The following STEAP1B variants were observed in gnomAD, a reference collection of about 807,000 sequenced individuals.
STEAP1B encodes the protein STEAP family member 1B.
A neutral mutation model predicts 27.9 loss-of-function variants in STEAP1B; 13 were observed. That is an observed-to-expected ratio of 0.47 (90% CI 0.30 to 0.74). The LOEUF (loss-of-function observed/expected upper bound fraction) is 0.74, where lower values mean the gene tolerates loss of function less well. STEAP1B is among the 30% of genes least tolerant of loss of function. The pLI is 0.06. For missense variants in STEAP1B, 250 were observed against 298.7 expected, an observed-to-expected ratio of 0.84 and a Z score of 1.20; for synonymous variants, 86 against 107.1, an observed-to-expected ratio of 0.80 and a Z score of 1.22.
In STEAP1B at chr7:22,422,749, C is replaced by G. The variant is rs574315443; in HGVS notation, c.763-2913G>C. 8.5e-5 allele frequency among the ~76,000 whole-genome samples: 13 copies of G among 152,270 alleles called. 1 individual carries two copies. In the East Asian group the frequency reaches 2.5e-3, roughly 29 times the overall value. On this transcript the variant is annotated intron_variant, in intron 4 of 4. Coordinates refer to ENST00000678116, the MANE Select transcript of STEAP1B (RefSeq NM_001382447.1). ...ACCTCAGGTGATCCACCTGCCTCGG[C>G]CTCCTAAATATTTGCGTAATTTTTT...
intron 4 of STEAP1B, among the ~76,000 whole-genome samples, chr7:22,453,174 G>A (rs191330889): frequency 6.6e-6 from 1 of 152,078 alleles, no homozygotes; most frequent in Admixed American, 6.5e-5. Flanking sequence ...TCATTCTGTT[G>A]GCTTTCCTCG....
At chr7:22,492,446 T>C in intron 4 of STEAP1B, 119 bp downstream of exon 4, 1 of 1,379,060 alleles carries the variant, frequency 7.3e-7, no homozygotes, top group Non-Finnish European at 9.4e-7. Context: ...CTGGAACAAG[T>C]ACAAGATCTT....
intron 4 of STEAP1B, among the ~76,000 whole-genome samples, chr7:22,479,014 G>A (rs1459618145): frequency 6.6e-6 from 1 of 152,176 alleles, no homozygotes; most frequent in African/African-American, 2.4e-5. Flanking sequence ...CCTGGGAGGA[G>A]AAGGGCCGAG....
chr7:22,429,584 T>G (rs917309191), intron 4 of STEAP1B, among the ~76,000 whole-genome samples: 1 of 152,168 alleles, frequency 6.6e-6, no homozygotes, highest in African/African-American at 2.4e-5. Flanking sequence ...ATGTATACAG[T>G]GTGGATATGC....
chr7:22,424,090 T>C (rs2528833), intron 4 of STEAP1B, among the ~76,000 whole-genome samples: 113,706 of 151,814 alleles, frequency 0.75, 42,682 homozygotes, highest in Middle Eastern at 0.79. Flanking sequence ...CTAAATAACA[T>C]TGTTAAAAAT....
At chr7:22,480,893 A>G (rs1460514138) in intron 4 of STEAP1B, among the ~76,000 whole-genome samples, 3 of 152,226 alleles carry the variant, frequency 2.0e-5, no homozygotes, top group Non-Finnish European at 2.9e-5. Context: ...GCGCAGGTCC[A>G]GCTCTCTGTC....
At chr7:22,454,380 T>G (rs1248629423) in intron 4 of STEAP1B, among the ~76,000 whole-genome samples, 2 of 152,188 alleles carry the variant, frequency 1.3e-5, no homozygotes, top group South Asian at 4.1e-4. Flanking sequence ...TATAGTGCTG[T>G]ACTGGTGGAA....
chr7:22,446,167 A>T (rs1421221412), intron 4 of STEAP1B, among the ~76,000 whole-genome samples: 1 of 152,216 alleles, frequency 6.6e-6, no homozygotes, highest in Non-Finnish European at 1.5e-5. Context: ...GACCCATTGG[A>T]TGACAGTTCT....
chr7:22,499,619 C>G (rs1562588608), intron 1 of STEAP1B, among the ~76,000 whole-genome samples: 1 of 152,120 alleles, frequency 6.6e-6, no homozygotes, highest in Non-Finnish European at 1.5e-5. Context: ...TGGAGGGAAC[C>G]TGAACCCCAC....
At chr7:22,479,862 T>C (rs1028833453) in intron 4 of STEAP1B, among the ~76,000 whole-genome samples, 2 of 152,018 alleles carry the variant, frequency 1.3e-5, no homozygotes, top group Non-Finnish European at 2.9e-5. Flanking sequence ...ATTTCAGTAT[T>C]TTTAGTAGAG....
intron 4 of STEAP1B, among the ~76,000 whole-genome samples, chr7:22,474,022 C>T (rs1013266735): frequency 2.6e-5 from 4 of 152,144 alleles, no homozygotes; most frequent in Non-Finnish European, 4.4e-5. Context: ...TATTAAAGGT[C>T]AAAGGGGTAA....
At position 22,482,876 on chromosome 7, in the gene STEAP1B, T is replaced by C. The variant is rs146938943; in HGVS notation, c.762+9689A>G. 1.1e-4 allele frequency among the ~76,000 whole-genome samples: 17 copies of C among 152,256 alleles called. No homozygotes were observed. In the East Asian group the frequency reaches 3.3e-3, roughly 29 times the overall value. The stretch of plus-strand genomic sequence containing the variant: ...TCATAAGTCAACAGCAGTTTATGAG[T>C]GGCTTTGAACTGGGGAGACATCCCT... On this transcript the variant is annotated intron_variant, in intron 4 of 4. Transcript: ENST00000678116.
intron 4 of STEAP1B, among the ~76,000 whole-genome samples, chr7:22,478,017 T>C (rs1640712671): frequency 6.6e-6 from 1 of 152,096 alleles, no homozygotes; most frequent in Admixed American, 6.5e-5. Flanking sequence ...CCCAGGGCCC[T>C]CTCCACTGTC....
intron 4 of STEAP1B, among the ~76,000 whole-genome samples, chr7:22,478,898 C>T (rs564822937): frequency 2.0e-5 from 3 of 152,236 alleles, no homozygotes; most frequent in Non-Finnish European, 4.4e-5. Context: ...CAGGAAACAG[C>T]TCACTGAGGG....
At chr7:22,449,832 G>A (rs908690680) in intron 4 of STEAP1B, among the ~76,000 whole-genome samples, 2 of 152,158 alleles carry the variant, frequency 1.3e-5, no homozygotes, top group South Asian at 2.1e-4. Flanking sequence ...TTGGATATAA[G>A]CCATTTTAAC....
At chr7:22,452,851 G>A (rs921790867) in intron 4 of STEAP1B, among the ~76,000 whole-genome samples, 1 of 152,172 alleles carries the variant, frequency 6.6e-6, no homozygotes, top group African/African-American at 2.4e-5. Flanking sequence ...GATTTCTAAG[G>A]TGAGAATTAT....
intron 4 of STEAP1B, among the ~76,000 whole-genome samples, chr7:22,450,680 T>G (rs182165550): frequency 6.6e-6 from 1 of 152,160 alleles, no homozygotes; most frequent in African/African-American, 2.4e-5. Context: ...TCTATTTCTG[T>G]GAAGAATGTC....
chr7:22,436,100 G>T (rs556392298), intron 4 of STEAP1B, among the ~76,000 whole-genome samples: 1 of 152,160 alleles, frequency 6.6e-6, no homozygotes, highest in Non-Finnish European at 1.5e-5. Context: ...TGTGTAAAAT[G>T]AGAGTAATAA....
chr7:22,451,808 G>C (rs1319951741), intron 4 of STEAP1B, among the ~76,000 whole-genome samples: 1 of 152,128 alleles, frequency 6.6e-6, no homozygotes, highest in African/African-American at 2.4e-5. Context: ...GAGGATTTTT[G>C]CAGCAATATT....
Sources: gnomAD v4.1 joint callset for allele counts (sites outside exome capture counted in the v4.1 genomes callset) on GRCh38, gnomAD v4.1.1 for gene constraint, MANE v1.5 for transcripts, NCBI Gene and HGNC (gene_info 2026-07-23, HGNC 2026-07-21) for gene names.